The following TTC17 variants were observed in gnomAD, a reference collection of about 807,000 sequenced individuals.
TTC17 encodes the protein tetratricopeptide repeat protein 17.
In TTC17, 58 loss-of-function variants were observed where a neutral mutation model predicts 143.8. The ratio of observed to expected loss-of-function variants is 0.40; its 90% CI spans 0.33 to 0.50. The LOEUF is 0.50. TTC17 is among the 20% of genes least tolerant of loss of function. The probability of loss-of-function intolerance (pLI) is 0.49; values close to 1 mark genes in which losing one functional copy is unlikely to be tolerated. For missense variants in TTC17, 1,273 were observed against 1,392.5 expected, an observed-to-expected ratio of 0.91 and a Z score of 1.37; for synonymous variants, 501 against 497.8, an observed-to-expected ratio of 1.01 and a Z score of -0.09.
chr11:43,432,439 G>A (rs968307753), intron 16 of TTC17, among the ~76,000 whole-genome samples: 1 of 152,094 alleles, frequency 6.6e-6, no homozygotes, highest in African/African-American at 2.4e-5. Context: ...AAGAAAAACC[G>A]AACTGCCAGG....
At chr11:43,444,870 A>C (rs1483279191) in intron 18 of TTC17, among the ~76,000 whole-genome samples, 1 of 152,152 alleles carries the variant, frequency 6.6e-6, no homozygotes, top group East Asian at 1.9e-4. Context: ...AATGTGTAAC[A>C]CACATTTTAT....
chr11:43,449,743 G>T, intron 19 of TTC17: 1 of 179,062 alleles, frequency 5.6e-6, no homozygotes, highest in Non-Finnish European at 1.2e-5. Context: ...AAAATGAAAG[G>T]AAGTACTTAG....
intron 1 of TTC17, among the ~76,000 whole-genome samples, chr11:43,374,286 A>C (rs1277073132): frequency 1.3e-5 from 2 of 152,190 alleles, no homozygotes; most frequent in Non-Finnish European, 2.9e-5. Flanking sequence ...AGATGGATTA[A>C]AGACTTAAAT....
intron 1 of TTC17, among the ~76,000 whole-genome samples, chr11:43,375,124 G>A (rs1323399528): frequency 6.6e-6 from 1 of 152,130 alleles, no homozygotes; most frequent in African/African-American, 2.4e-5. Context: ...TTGTTTCTTT[G>A]CTTCGTCATC....
intron 1 of TTC17, among the ~76,000 whole-genome samples, chr11:43,367,446 G>T (rs887450696): frequency 6.6e-6 from 1 of 152,150 alleles, no homozygotes; most frequent in Non-Finnish European, 1.5e-5. Context: ...AAAAACAGAG[G>T]CGTGGTAGAT....
intron 21 of TTC17, among the ~76,000 whole-genome samples, chr11:43,471,477 G>GCTA (rs1446927296): frequency 2.0e-5 from 3 of 152,188 alleles, no homozygotes; most frequent in Non-Finnish European, 4.4e-5. Context: ...TAATGCATCA[G>GCTA]CTGCACCAAG....
intron 13 of TTC17, 52 bp from the exon 14 acceptor site, chr11:43,407,086 A>C (rs1405329736): frequency 2.3e-6 from 3 of 1,314,552 alleles, no homozygotes; most frequent in Admixed American, 4.5e-5. Context: ...ATTCTTTTCA[A>C]ATGTCTTCCC....
At chr11:43,446,797 C>A in intron 18 of TTC17, 1 of 538,104 alleles carries the variant, frequency 1.9e-6, no homozygotes, top group Non-Finnish European at 2.4e-6. Context: ...CTGCTCTTTT[C>A]TTGGGGATTT....
intron 5 of TTC17, among the ~76,000 whole-genome samples, chr11:43,393,933 A>G (rs1857483331): frequency 6.6e-6 from 1 of 152,228 alleles, no homozygotes; most frequent in South Asian, 2.1e-4. Context: ...CCTGCCTTGC[A>G]TATGGCTGCC....
At chr11:43,424,550 C>A (rs11037435) in intron 16 of TTC17, among the ~76,000 whole-genome samples, 152,058 of 152,058 alleles carry the variant, frequency 1, 76,029 homozygotes, top group Non-Finnish European at 1. Context: ...CAGGCGGATC[C>A]CCTGAGGTCA....
chr11:43,451,061 C>T, intron 20 of TTC17, 121 bp from the exon 21 acceptor site: 1 of 840,918 alleles, frequency 1.2e-6, no homozygotes, highest in East Asian at 2.7e-5. Context: ...AATAGGACCA[C>T]AGCATGTATC....
chr11:43,458,156 T>C (rs77468610), intron 21 of TTC17, among the ~76,000 whole-genome samples: 15,013 of 152,190 alleles, frequency 0.099, 2,508 homozygotes, highest in African/African-American at 0.34. Flanking sequence ...AGCCGGGCAC[T>C]TCTTCTGCTG....
intron 2 of TTC17, among the ~76,000 whole-genome samples, chr11:43,384,699 A>G (rs897988096): frequency 1.3e-5 from 2 of 152,204 alleles, no homozygotes; most frequent in Admixed American, 6.5e-5. Context: ...GATGGGCACA[A>G]ATATTTTATA....
intron 21 of TTC17, among the ~76,000 whole-genome samples, chr11:43,459,450 C>A (rs1207444019): frequency 6.6e-6 from 1 of 152,222 alleles, no homozygotes; most frequent in Non-Finnish European, 1.5e-5. Context: ...TCTGTCCCAA[C>A]TGGCACAGTT....
chr11:43,456,591 G>C (rs1947768387), intron 21 of TTC17, among the ~76,000 whole-genome samples: 1 of 152,162 alleles, frequency 6.6e-6, no homozygotes, highest in South Asian at 2.1e-4. Context: ...AACTAGGCAA[G>C]CAACAAGATA....
intron 19 of TTC17, 182 bp from the exon 20 acceptor site, chr11:43,449,900 A>G (rs1472781184): frequency 1.5e-6 from 1 of 663,566 alleles, no homozygotes; most frequent in African/African-American, 1.8e-5. Context: ...ATCACCACTT[A>G]TATCTTGGAA....
intron 10 of TTC17, among the ~76,000 whole-genome samples, chr11:43,403,216 A>G (rs1857951916): frequency 6.6e-6 from 1 of 152,214 alleles, no homozygotes; most frequent in African/African-American, 2.4e-5. Flanking sequence ...TGATGGTCTC[A>G]AGACCGATCA....
chr11:43,447,152 T>C (rs1296756654), intron 18 of TTC17, among the ~76,000 whole-genome samples: 1 of 152,020 alleles, frequency 6.6e-6, no homozygotes, highest in Non-Finnish European at 1.5e-5. Flanking sequence ...GCCACGGCAC[T>C]CTAGCCTGGG....
In TTC17 at chr11:43,414,572, A is replaced by ATTTTT; in HGVS notation, c.2065-13_2065-9dup. Reference sequence around the variant, plus strand: ...ATATTAGTTCATTAACATTTTGCCGATTTTTTTTTCTTTTCAGCCTCTGAC... The same window carrying ATTTTT: ...ATATTAGTTCATTAACATTTTGCCGATTTTTTTTTTTTTTCTTTTCAGCCTCTGAC... On this transcript the variant is annotated splice_polypyrimidine_tract_variant and intron_variant, in intron 15 of 23. Coordinates refer to ENST00000039989, the MANE Select transcript of TTC17 (RefSeq NM_018259.6). 2 of 1,573,574 alleles carry ATTTTT rather than the reference A, an allele frequency of 1.3e-6. No individual in the cohort carries two copies. Among genetic ancestry groups the ATTTTT allele is most frequent in the Non-Finnish European group, 8.6e-7 (1 of 1,159,486 alleles).
Sources: gnomAD v4.1 joint callset for allele counts (sites outside exome capture counted in the v4.1 genomes callset) on GRCh38, gnomAD v4.1.1 for gene constraint, MANE v1.5 for transcripts, NCBI Gene and HGNC (gene_info 2026-07-23, HGNC 2026-07-21) for gene names.